Variants in GALNT16 observed in about 807,000 individuals in gnomAD.
GALNT16 encodes UDP-GalNAc:polypeptide N-acetylgalactosaminyltransferase-like protein 1.
A neutral mutation model predicts 76.1 loss-of-function variants in GALNT16; 40 were observed. The observed-to-expected ratio is 0.53, with a 90% CI of 0.41 to 0.68. The LOEUF (loss-of-function observed/expected upper bound fraction) is 0.68, where lower values mean the gene tolerates loss of function less well. Among genes scored for constraint, GALNT16 ranks in the 30% least tolerant of loss-of-function variants. The probability of loss-of-function intolerance (pLI) is 0.00; values close to 1 mark genes in which losing one functional copy is unlikely to be tolerated. For missense variants in GALNT16, 621 were observed against 731.9 expected, an observed-to-expected ratio of 0.85 and a Z score of 1.75; for synonymous variants, 276 against 285.2, an observed-to-expected ratio of 0.97 and a Z score of 0.32.
At position 69,333,247 on chromosome 14, in the gene GALNT16, C is replaced by T. The variant is rs762432319; in HGVS notation, c.863+78C>T. The T allele has an allele frequency of 2.2e-5, 22 of 1,020,450 alleles. No homozygotes were observed. Among genetic ancestry groups the T allele is most frequent in the East Asian group, 4.9e-5 (2 of 41,150 alleles). The allele number at this position is 1,020,450 out of a possible 1,614,324, so 63.2% of individuals were successfully genotyped here. Reference sequence around the variant, plus strand: ...CTGGGAGGCTCTTGGGAGGCTGTATCGGTCGCTTGGGCTCCTGAGGCGCAC... The same window carrying T: ...CTGGGAGGCTCTTGGGAGGCTGTATTGGTCGCTTGGGCTCCTGAGGCGCAC... On this transcript the variant is annotated intron_variant, in intron 8 of 14. Coordinates refer to ENST00000448469, the MANE Select transcript of GALNT16 (RefSeq NM_001168368.2). The surrounding 1 kb of genome is among the most constrained non-coding windows in gnomAD (Gnocchi z 4.2).
chr14:69,284,454 C>T (rs1329039789), intron 1 of GALNT16, among the ~76,000 whole-genome samples: 2 of 152,170 alleles, frequency 1.3e-5, no homozygotes, highest in Non-Finnish European at 2.9e-5. Flanking sequence ...GGAGCCAGGG[C>T]CAGGAGGCTT....
chr14:69,260,136 A>ACCACCC, upstream of GALNT16: 15 of 113,994 alleles, frequency 1.3e-4, 4 homozygotes, highest in South Asian at 1.1e-3. Context: ...TCTCCCTATC[A>ACCACCC]CCCCCCCGCC....
At chr14:69,374,642 A>T in the GALNT16 span, among the ~76,000 whole-genome samples, 37 of 152,376 alleles carry the variant, frequency 2.4e-4, no homozygotes, top group Admixed American at 1.1e-3. Flanking sequence ...TATATTGCAC[A>T]TTGGAATATC....
At chr14:69,262,318 G>A (rs1279173305) in intron 1 of GALNT16, among the ~76,000 whole-genome samples, 1 of 152,202 alleles carries the variant, frequency 6.6e-6, no homozygotes, top group Non-Finnish European at 1.5e-5. Flanking sequence ...CCTCTCTCCT[G>A]CTCCTTCCAG....
chr14:69,347,139 G>A lies in GALNT16; in HGVS notation c.1371G>A (p.Met457Ile). Residue 457 changes from methionine to isoleucine, a missense_variant, in exon 13 of 15, where the codon ATG (methionine) becomes ATA (isoleucine). Physicochemically the swap from Met to Ile is conservative, Grantham distance 10. Coordinates refer to ENST00000448469, the MANE Select transcript of GALNT16 (RefSeq NM_001168368.2). ...CAGCTGGTGACTTCCTGCTTGGAAT[G>A]GGGATCTGCAGAGGGTCTGCCAAGA... ...QNTAGDFLLGMGICRGSAKNP... is the reference protein window; with the variant it reads ...QNTAGDFLLGIGICRGSAKNP... 6.2e-7 allele frequency: 1 copy of A among 1,613,718 alleles called. No individual in the cohort carries two copies. Among genetic ancestry groups the A allele is most frequent in the Non-Finnish European group, 8.5e-7 (1 of 1,179,802 alleles).
At chr14:69,377,875 T>C in the GALNT16 span, among the ~76,000 whole-genome samples, 1 of 144,666 alleles carries the variant, frequency 6.9e-6, no homozygotes, top group Non-Finnish European at 1.5e-5. Context: ...TATAGTAACA[T>C]TAATCAATTT....
intron 9 of GALNT16, among the ~76,000 whole-genome samples, chr14:69,335,981 TC>T (rs970200835): frequency 6.6e-6 from 1 of 152,146 alleles, no homozygotes; most frequent in African/African-American, 2.4e-5. Context: ...GCAAGAGTTC[TC>T]ATGTCATTCT....
chr14:69,375,872 C>G, the GALNT16 span, among the ~76,000 whole-genome samples: 1 of 152,344 alleles, frequency 6.6e-6, no homozygotes, highest in African/African-American at 2.4e-5. Flanking sequence ...TTCCTGGCAT[C>G]AAGTGATCCT....
At chr14:69,382,398 A>C in the GALNT16 span, among the ~76,000 whole-genome samples, 1 of 152,252 alleles carries the variant, frequency 6.6e-6, no homozygotes, top group Non-Finnish European at 1.5e-5. Flanking sequence ...AACACTGGAA[A>C]ATAACTTAAA....
At chr14:69,373,980 C>T in the GALNT16 span, among the ~76,000 whole-genome samples, 15 of 152,082 alleles carry the variant, frequency 9.9e-5, no homozygotes, top group Non-Finnish European at 1.5e-5. Context: ...GAGGTTTTGC[C>T]ACGTTGCCCA....
chr14:69,322,434 G>C (rs1248036370), intron 2 of GALNT16, among the ~76,000 whole-genome samples: 1 of 152,218 alleles, frequency 6.6e-6, no homozygotes, highest in Non-Finnish European at 1.5e-5. Flanking sequence ...GATAATCTCT[G>C]TTCACCCCCC....
chr14:69,314,910 C>T (rs1474212822), intron 1 of GALNT16, among the ~76,000 whole-genome samples: 1 of 152,082 alleles, frequency 6.6e-6, no homozygotes, highest in East Asian at 1.9e-4. Context: ...GAAAGGTAAA[C>T]CCAGCAGGTA....
Position 69,289,273 on chromosome 14 carries a change from A to G in GALNT16, c.177+28806A>G, listed in dbSNP as rs533621617. On this transcript the variant is annotated intron_variant, in intron 1 of 14. Coordinates refer to ENST00000448469, the MANE Select transcript of GALNT16 (RefSeq NM_001168368.2). ...TGGCTGAGTCCATGTGGAAGTCATT[A>G]TGTAACACTTGAACTTGTATGAGGC... is the stretch of plus-strand genomic sequence containing the variant. 4.6e-5 allele frequency among the ~76,000 whole-genome samples: 7 copies of G among 152,272 alleles called. No individual in the cohort carries two copies. In the East Asian group the frequency reaches 1.4e-3, roughly 29 times the overall value.
chr14:69,293,153 A>T (rs1225481621), intron 1 of GALNT16, among the ~76,000 whole-genome samples: 1 of 152,142 alleles, frequency 6.6e-6, no homozygotes, highest in Non-Finnish European at 1.5e-5. Context: ...CACTGATCAG[A>T]TGGCCATATT....
the GALNT16 span, among the ~76,000 whole-genome samples, chr14:69,368,886 C>T: frequency 6.6e-6 from 1 of 152,186 alleles, no homozygotes; most frequent in Non-Finnish European, 1.5e-5. Context: ...GGGAATGACA[C>T]TAACACTTCA....
chr14:69,337,859 T>G (rs1594861556), intron 9 of GALNT16, among the ~76,000 whole-genome samples: 1 of 152,160 alleles, frequency 6.6e-6, no homozygotes, highest in Admixed American at 6.5e-5. Context: ...TTGGAGATCA[T>G]GAGTGTCCTT....
At chr14:69,298,219 C>T (rs1032311729) in intron 1 of GALNT16, among the ~76,000 whole-genome samples, 1 of 152,212 alleles carries the variant, frequency 6.6e-6, no homozygotes, top group African/African-American at 2.4e-5. Context: ...AATGCCAGTT[C>T]CTGATGCCCC....
At chr14:69,371,192 G>C in the GALNT16 span, among the ~76,000 whole-genome samples, 1 of 152,052 alleles carries the variant, frequency 6.6e-6, no homozygotes, top group African/African-American at 2.4e-5. Flanking sequence ...AAGATACAGG[G>C]GTAACTTCAC....
At chr14:69,315,545 C>T (rs2045088242) in intron 1 of GALNT16, among the ~76,000 whole-genome samples, 2 of 152,172 alleles carry the variant, frequency 1.3e-5, no homozygotes. Flanking sequence ...TGAACACCGC[C>T]CTGCCTGCTG....
Sources: allele counts gnomAD v4.1 joint callset (sites outside exome capture counted in the v4.1 genomes callset), GRCh38; gene constraint gnomAD v4.1.1; non-coding constraint Gnocchi (gnomAD v3.1); transcripts MANE v1.5; gene names NCBI Gene and HGNC (gene_info 2026-07-23, HGNC 2026-07-21).